CHD9: variants seen among roughly 807,000 people sequenced by gnomAD.
CHD9 encodes chromodomain helicase DNA binding protein 9, also known as ATP-dependent chromatin remodeler CHD9.
CHD9 carries 77 observed loss-of-function variants against 316.1 expected under a neutral mutation model. That is an observed-to-expected ratio of 0.24 (90% confidence interval 0.20 to 0.29). CHD9 has a LOEUF of 0.29. Ranked by LOEUF, CHD9 falls within the 10% of genes least tolerant of loss-of-function variation. The pLI is 1.00. For missense variants in CHD9, 2,763 were observed against 3,438.1 expected (o/e 0.80, Z 4.91); for synonymous variants, 1,129 against 1,158.3 (o/e 0.97, Z 0.51).
chr16:53,110,072 A>G (rs938143271), intron 1 of CHD9, among the ~76,000 whole-genome samples: 1 of 152,168 alleles, frequency 6.6e-6, no homozygotes, highest in Non-Finnish European at 1.5e-5. Context: ...AGCCGAGTAA[A>G]GCTATGCACT....
Position 53,139,134 on chromosome 16 carries a change from A to C in CHD9, c.-164-16792A>C, listed in dbSNP as rs551693166. 2.0e-5 allele frequency among the ~76,000 whole-genome samples: 3 copies of C among 152,312 alleles called. No homozygotes were observed. In the South Asian group the frequency reaches 6.2e-4, roughly 32 times the overall value. On this transcript the variant is annotated intron_variant, in intron 1 of 38. Transcript: ENST00000447540. ...AAAGAAGAGATAGATACAAAGATAG[A>C]TATAGTGCTTCCATCTGAAAAGATG...
Position 53,315,015 on chromosome 16 carries a change from T to A in CHD9, c.7555T>A (p.Tyr2519Asn). ...AAAATGGCTTAAGGAGCACCCGGGT[T>A]ATGTGGAAGATTTGGGAGCTTTTAT... ...LEKWLKEHPG[Y>N]VEDLGAFIPR... is the part of the protein sequence containing the mutation. Residue 2519 changes from tyrosine (Y) to asparagine (N), a missense_variant, in exon 36 of 39, where the codon TAT becomes AAT. This residue lies in a region of CHD9 where 663 missense variants were observed against 751.2 expected (regional missense o/e 0.88). Transcript: ENST00000447540. 6.2e-7 allele frequency: 1 copy of A among 1,613,664 alleles called. No homozygotes were observed. The highest frequency in any genetic ancestry group is 8.5e-7 in the Non-Finnish European group (1 of 1,179,660).
intron 37 of CHD9, 67 bp from the exon 38 acceptor site, chr16:53,321,459 C>G: frequency 1.4e-6 from 2 of 1,450,414 alleles, no homozygotes; most frequent in South Asian, 3.0e-5. Flanking sequence ...GTAGAGCATA[C>G]AATAAAAGCA....
At chr16:53,133,439 C>G (rs2039481040) in intron 1 of CHD9, among the ~76,000 whole-genome samples, 1 of 151,932 alleles carries the variant, frequency 6.6e-6, no homozygotes, top group Non-Finnish European at 1.5e-5. Flanking sequence ...CATCCCGTCT[C>G]TATTAAGAAA....
intron 1 of CHD9, among the ~76,000 whole-genome samples, chr16:53,058,131 G>GT (rs940477289): frequency 5.9e-5 from 9 of 151,898 alleles, no homozygotes; most frequent in Non-Finnish European, 1.2e-4. Flanking sequence ...CTTTGTTTTT[G>GT]TTTTTTTGAG....
At chr16:53,158,737 A>T (rs1164059431) in intron 2 of CHD9, among the ~76,000 whole-genome samples, 1 of 152,052 alleles carries the variant, frequency 6.6e-6, no homozygotes, top group East Asian at 1.9e-4. Flanking sequence ...CCCTGGGCTC[A>T]GGTGATCCTC....
At chr16:53,184,559 G>T (rs1438344564) in intron 2 of CHD9, among the ~76,000 whole-genome samples, 1 of 151,960 alleles carries the variant, frequency 6.6e-6, no homozygotes, top group East Asian at 1.9e-4. Flanking sequence ...TGCCCAGGCT[G>T]GACTTGAACT....
chr16:53,314,618 G>C, intron 35 of CHD9, 102 bp downstream of exon 35: 1 of 1,067,106 alleles, frequency 9.4e-7, no homozygotes, highest in East Asian at 2.6e-5. Context: ...CTATTAGTAA[G>C]GAAATTAGAA....
At position 53,122,770 on chromosome 16, in the gene CHD9, G is replaced by A. The variant is rs570067602; in HGVS notation, c.-164-33156G>A. Among the ~76,000 whole-genome samples the A allele has an allele frequency of 1.1e-4, 17 of 151,954 alleles. No homozygotes were observed. The South Asian group carries it at 1.5e-3, about 13-fold the overall frequency. On this transcript the variant is annotated intron_variant, in intron 1 of 38. Transcript: ENST00000447540. ...CGCCCAGGCTGGAGTGCAGTGGAGC[G>A]ATCTCCTCTCACTGCAAGCTCTGCC...
At chr16:53,234,813 T>TA (rs60183034) in intron 10 of CHD9, among the ~76,000 whole-genome samples, 45 of 147,912 alleles carry the variant, frequency 3.0e-4, no homozygotes, top group South Asian at 8.5e-4. Context: ...CATTCCTGGT[T>TA]AAAAAAAAAA....
At chr16:53,289,342 C>T (rs114108170) in intron 27 of CHD9, among the ~76,000 whole-genome samples, 2,500 of 151,904 alleles carry the variant, frequency 0.016, 84 homozygotes, top group African/African-American at 0.057. Flanking sequence ...ATCACTTGAG[C>T]CCAGGAGTTC....
At chr16:53,179,707 G>C (rs1053940833) in intron 2 of CHD9, among the ~76,000 whole-genome samples, 5 of 152,026 alleles carry the variant, frequency 3.3e-5, no homozygotes, top group African/African-American at 1.2e-4. Context: ...GACCAGCCTG[G>C]CCAACATGGT....
At position 53,213,603 on chromosome 16, in the gene CHD9, G is replaced by A. The variant is rs188361085; in HGVS notation, c.1784+3790G>A. On this transcript the variant is annotated intron_variant, in intron 3 of 38. Transcript: ENST00000447540. ...TAACTAATAGTTTAGTAATATTAGAGAGTTAGGATGAATTTTACTGATTTA... is the reference window on the plus strand; with the variant it reads ...TAACTAATAGTTTAGTAATATTAGAAAGTTAGGATGAATTTTACTGATTTA... 1.4e-3 allele frequency among the ~76,000 whole-genome samples: 220 copies of A among 152,326 alleles called. 1 individual carries two copies. Among genetic ancestry groups the A allele is most frequent in the African/African-American group, 5.0e-3 (208 of 41,580 alleles).
intron 1 of CHD9, among the ~76,000 whole-genome samples, chr16:53,080,274 T>C (rs1343735605): frequency 1.3e-5 from 2 of 152,206 alleles, no homozygotes; most frequent in East Asian, 3.8e-4. Flanking sequence ...TTAACCACTT[T>C]TTCTGGTTAT....
chr16:53,263,149 A>T (rs542230624), intron 20 of CHD9, 52 bp downstream of exon 20: 7 of 1,334,812 alleles, frequency 5.2e-6, no homozygotes, highest in Non-Finnish European at 7.4e-6. Context: ...TACTTTGGCA[A>T]TAGTATTGTA....
rs772334991 is a variant in CHD9 at position 53,253,098 on chromosome 16, C to T, written c.3862-1340C>T. On this transcript the variant is annotated intron_variant, in intron 17 of 38. Coordinates refer to ENST00000447540, the MANE Select transcript of CHD9 (RefSeq NM_001308319.2). ...ATTATTCGAAAAAGATACTTGGACA[C>T]ACATGTTTATAGTGGCACAATTCAC... Among the ~76,000 whole-genome samples, 8 of 152,108 alleles carry T rather than the reference C, an allele frequency of 5.3e-5. No homozygotes were observed. In the South Asian group the frequency reaches 1.7e-3, roughly 32 times the overall value.
At chr16:53,055,782 AC>A (rs904525859) in intron 1 of CHD9, among the ~76,000 whole-genome samples, 2 of 151,060 alleles carry the variant, frequency 1.3e-5, no homozygotes, top group African/African-American at 4.9e-5. Context: ...ACCATCCCCC[AC>A]CCCCCACAGT....
At chr16:53,115,422 G>A (rs1418476453) in intron 1 of CHD9, among the ~76,000 whole-genome samples, 1 of 152,230 alleles carries the variant, frequency 6.6e-6, no homozygotes, top group African/African-American at 2.4e-5. Flanking sequence ...TAATTTTTAA[G>A]TTTCCTGGGA....
At chr16:53,102,000 T>C (rs1287508883) in intron 1 of CHD9, among the ~76,000 whole-genome samples, 1 of 152,150 alleles carries the variant, frequency 6.6e-6, no homozygotes, top group African/African-American at 2.4e-5. Flanking sequence ...GTCAGGAATG[T>C]GTAGAATTGT....
Sources: gnomAD v4.1 joint callset for allele counts (sites outside exome capture counted in the v4.1 genomes callset) on GRCh38, gnomAD v4.1.1 for gene constraint, gnomAD v4.1.1 regional missense constraint, MANE v1.5 for transcripts, NCBI Gene and HGNC (gene_info 2026-07-23, HGNC 2026-07-21) for gene names.